Variants in INTS10 observed in about 807,000 individuals in gnomAD.
INTS10 encodes chromosome 8 open reading frame 35.
INTS10 carries 44 observed loss-of-function variants against 94.4 expected under a neutral mutation model. The ratio of observed to expected loss-of-function variants is 0.47; its 90% CI spans 0.37 to 0.60. The LOEUF is 0.60. INTS10 is among the 20% of genes least tolerant of loss of function. INTS10 has a pLI of 0.00. For synonymous variants in INTS10, 341 were observed against 320.7 expected (o/e 1.06, Z -0.68); for missense variants, 797 against 868.7 (o/e 0.92, Z 1.04).
rs937224934 is a variant in INTS10, at chr8:19,817,486, A to G, written c.-52A>G. On this transcript the variant is annotated 5_prime_UTR_variant, in exon 1 of 17. Transcript: ENST00000397977. ...TGGCTGCCGTGGCGGCTGAGAGTCC[A>G]GAGCCGGACGTTCCGGCCGCTTCGG... 6.3e-5 allele frequency: 100 copies of G among 1,578,312 alleles called. No individual in the cohort carries two copies. The Middle Eastern group carries it at 1.8e-3, about 28-fold the overall frequency.
Position 19,817,440 on chromosome 8 carries a change from C to CGGT in INTS10, c.-95_-93dup, listed in dbSNP as rs2065995057. The CGGT allele has an allele frequency of 6.7e-7, 1 of 1,489,700 alleles. No homozygotes were observed. The highest frequency in any genetic ancestry group is 1.4e-5 in the African/African-American group (1 of 72,156). The allele number at this position is 1,489,700 out of a possible 1,614,324, so 92.3% of individuals were successfully genotyped here. ...CAGACATGCGCAGTAGCCTCCCCCGCGGTGGCGGCGGCGGCGGCGGTGGCT... is the reference window on the plus strand; with the variant it reads ...CAGACATGCGCAGTAGCCTCCCCCGCGGTGGTGGCGGCGGCGGCGGCGGTGGCT... On this transcript the variant is annotated 5_prime_UTR_variant, in exon 1 of 17. Transcript: ENST00000397977.
chr8:19,821,102 G>A (rs1243923434), intron 4 of INTS10: 1 of 123,940 alleles, frequency 8.1e-6, no homozygotes, highest in African/African-American at 3.4e-5. Context: ...CATACTCTGC[G>A]GCTTATTTCC....
chr8:19,829,995 G>A (rs2067108379), intron 9 of INTS10, among the ~76,000 whole-genome samples: 1 of 152,052 alleles, frequency 6.6e-6, no homozygotes, highest in Admixed American at 6.6e-5. Flanking sequence ...CCCAGTACAT[G>A]CCAAACCATT....
At chr8:19,850,153 GAAAGA>G (rs1414720764) in intron 16 of INTS10, among the ~76,000 whole-genome samples, 7 of 149,316 alleles carry the variant, frequency 4.7e-5, no homozygotes, top group Admixed American at 1.3e-4. Context: ...AAGAAAGAAA[GAAAGA>G]AAAAAAAAGG....
rs1252203096 is a variant in INTS10, at chr8:19,833,237, A to G, written c.1446A>G (p.Pro482=). Residue 482 remains proline, a synonymous_variant, in exon 12 of 17, where the codon CCA becomes CCG. Coordinates refer to ENST00000397977, the MANE Select transcript of INTS10 (RefSeq NM_018142.4). ...LAALQGSISQ[P]QITGQGTLEH... ...CTCTCCAGGGATCCATTTCTCAGCC[A>G]CAGATCACAGGGCAGGGGACCCTGG... 2 of 1,612,812 alleles carry G rather than the reference A, an allele frequency of 1.2e-6. No individual in the cohort carries two copies. Among genetic ancestry groups the G allele is most frequent in the Admixed American group, 1.7e-5 (1 of 59,864 alleles).
At chr8:19,827,835 A>T (rs2066921822) in intron 9 of INTS10, among the ~76,000 whole-genome samples, 1 of 152,142 alleles carries the variant, frequency 6.6e-6, no homozygotes, top group Admixed American at 6.5e-5. Context: ...GCAGGTCCAG[A>T]CCTTAAAGGC....
intron 7 of INTS10, chr8:19,824,516 A>G (rs895120332): frequency 3.6e-6 from 1 of 281,230 alleles, no homozygotes. Flanking sequence ...AAAAAGAAAA[A>G]CAGATTTCTA....
At position 19,817,468 on chromosome 8, in the gene INTS10, C is replaced by T. The variant is rs941313157; in HGVS notation, c.-70C>T. The T allele has an allele frequency of 6.2e-5, 96 of 1,537,674 alleles. No homozygotes were observed. Among genetic ancestry groups the T allele is most frequent in the Non-Finnish European group, 7.9e-5 (90 of 1,142,886 alleles). On this transcript the variant is annotated 5_prime_UTR_variant, in exon 1 of 17. Transcript: ENST00000397977. ...TGGCGGCGGCGGCGGCGGTGGCTGC[C>T]GTGGCGGCTGAGAGTCCAGAGCCGG...
At chr8:19,818,207 C>A (rs761353306) in intron 1 of INTS10, 68 bp from the exon 2 acceptor site, 1 of 1,493,168 alleles carries the variant, frequency 6.7e-7, no homozygotes, top group South Asian at 1.1e-5. Flanking sequence ...GGCCAACGAG[C>A]GATGCTGGAT....
Position 19,830,528 on chromosome 8 carries a change from G to C in INTS10, c.1263G>C (p.Glu421Asp). 2.5e-6 allele frequency: 4 copies of C among 1,614,008 alleles called. No individual in the cohort carries two copies. Among genetic ancestry groups the C allele is most frequent in the Non-Finnish European group, 3.4e-6 (4 of 1,179,910 alleles). The stretch of plus-strand genomic sequence containing the variant: ...TTAAATTGGCCAGGGAGAGCTGGGA[G>C]TTGCTCTATTCCCTAGAATTCCTTG... The part of the protein sequence containing the change: ...ESFKLARESW[E>D]LLYSLEFLDK... Residue 421 changes from glutamate to aspartate, a missense_variant, in exon 10 of 17, where the codon GAG becomes GAC. Physicochemically the swap from Glu to Asp is conservative, Grantham distance 45 (BLOSUM62 2). Transcript: ENST00000397977.
At chr8:19,825,713 A>G (rs867403838) in intron 8 of INTS10, among the ~76,000 whole-genome samples, 1 of 152,174 alleles carries the variant, frequency 6.6e-6, no homozygotes, top group Non-Finnish European at 1.5e-5. Context: ...CTTCCAGTAT[A>G]ATACAGCGGT....
At chr8:19,835,846 A>G (rs1285234921) in intron 12 of INTS10, among the ~76,000 whole-genome samples, 1 of 152,118 alleles carries the variant, frequency 6.6e-6, no homozygotes, top group Non-Finnish European at 1.5e-5. Flanking sequence ...ATTGCTGCCA[A>G]CCCTGAGCAG....
rs752862040 is a variant in INTS10 at position 19,823,983 on chromosome 8, T to A, written c.775T>A (p.Leu259Met). ...CCAGATCGTGGACCCTTGGGAGAGG[T>A]TGTTTAAGATTTTGAATGTTGTTGG... ...SSQIVDPWER[L>M]FKILNVVGMR... The change falls in exon 7 of 17, where the codon TTG becomes ATG. Residue 259 changes from leucine to methionine, a missense_variant. Coordinates refer to ENST00000397977, the MANE Select transcript of INTS10 (RefSeq NM_018142.4). The A allele has an allele frequency of 3.1e-6, 5 of 1,611,864 alleles. No individual in the cohort carries two copies. Among genetic ancestry groups the A allele is most frequent in the Non-Finnish European group, 3.4e-6 (4 of 1,179,034 alleles).
rs2066102173 is a variant in INTS10, at chr8:19,818,317, A to G, written c.172A>G (p.Thr58Ala). 7 of 1,614,188 alleles carry G rather than the reference A, an allele frequency of 4.3e-6. No individual in the cohort carries two copies. Among genetic ancestry groups the G allele is most frequent in the Non-Finnish European group, 4.2e-6 (5 of 1,180,026 alleles). The change falls in exon 2 of 17, where the codon ACC becomes GCC. Residue 58 changes from threonine (T) to alanine (A), a missense_variant. Transcript: ENST00000397977. ...TIERNAERTA[T>A]AGRLLYDMFV... ...CGAGCGGAATGCAGAGCGGACCGCC[A>G]CCGCCGGGAGGCTGCTGTACGACAT...
At position 19,817,586 on chromosome 8, in the gene INTS10, T is replaced by G. The variant is rs2066015218; in HGVS notation, c.49T>G (p.Leu17Val). 2 of 1,608,558 alleles carry G rather than the reference T, an allele frequency of 1.2e-6. No individual in the cohort carries two copies. The highest frequency in any genetic ancestry group is 8.5e-7 in the Non-Finnish European group (1 of 1,178,248). Residue 17 changes from leucine to valine, a missense_variant, in exon 1 of 17, where the codon TTG becomes GTG. Around this residue, in one of 3 missense-constraint regions of INTS10, gnomAD observed 734 missense variants for 787.8 expected, o/e 0.93. Transcript: ENST00000397977. The part of the protein sequence containing the change: ...CEFLVQRARE[L>V]VPQDLWAAKA... ...GTTCCTGGTGCAGCGAGCCCGGGAG[T>G]TGGTGCCGCAAGACCTGTGGGCAGC...
intron 9 of INTS10, among the ~76,000 whole-genome samples, chr8:19,829,691 CAG>C (rs1432168361): frequency 1.3e-5 from 2 of 152,156 alleles, no homozygotes; most frequent in Admixed American, 6.5e-5. Flanking sequence ...GTTGTTGAGA[CAG>C]AGTCTTGCTC....
rs116004700 is a variant in INTS10, at chr8:19,835,934, G to C, written c.1531-1118G>C. Among the ~76,000 whole-genome samples the C allele has an allele frequency of 3.6e-3, 549 of 152,208 alleles. 6 individuals carry two copies. Among genetic ancestry groups the C allele is most frequent in the African/African-American group, 0.013 (529 of 41,514 alleles). ...CATGGGTTTAAATCCCCACTTCCAG[G>C]AGTTCAACAGTGAGAACACATGGAC... On this transcript the variant is annotated intron_variant, in intron 12 of 16. Transcript: ENST00000397977.
intron 8 of INTS10, among the ~76,000 whole-genome samples, chr8:19,826,119 G>T (rs184513259): frequency 6.6e-6 from 1 of 151,746 alleles, no homozygotes; most frequent in Admixed American, 6.6e-5. Flanking sequence ...TCGCTCTGTC[G>T]CCCAGGCTGG....
rs1399956953 is a variant in INTS10 at position 19,846,424 on chromosome 8, A to G, written c.1976+627A>G. ...CTCCAGCCTGGGCAACAAGAGTGAA[A>G]CTCCATCTCAAAAAAAAAAACAAAC... is the stretch of plus-strand genomic sequence containing the variant. On this transcript the variant is annotated intron_variant, in intron 16 of 16. Transcript: ENST00000397977. The surrounding 1 kb of genome is among the most constrained non-coding windows in gnomAD (Gnocchi z 4.2). 9.7e-6 allele frequency among the ~76,000 whole-genome samples: 1 copy of G among 102,632 alleles called. No homozygotes were observed. Among genetic ancestry groups the G allele is most frequent in the Non-Finnish European group, 1.9e-5 (1 of 51,942 alleles). 67.3% of individuals were successfully genotyped at this position (102,632 alleles called of 152,430 possible).
Sources: allele counts gnomAD v4.1 joint callset (sites outside exome capture counted in the v4.1 genomes callset), GRCh38; gene constraint gnomAD v4.1.1; regional missense constraint gnomAD v4.1.1; non-coding constraint Gnocchi (gnomAD v3.1); transcripts MANE v1.5; gene names NCBI Gene and HGNC (gene_info 2026-07-23, HGNC 2026-07-21).